ADAD1: variants seen among roughly 807,000 people sequenced by gnomAD.
The protein encoded by ADAD1 is adenosine deaminase domain-containing protein 1.
A neutral mutation model predicts 66.8 loss-of-function variants in ADAD1; 46 were observed. The ratio of observed to expected loss-of-function variants is 0.69; its 90% CI spans 0.54 to 0.88. The LOEUF is 0.88. Ranked by LOEUF, ADAD1 falls within the 40% of genes least tolerant of loss-of-function variation. The pLI, the probability that ADAD1 is intolerant of heterozygous loss-of-function variation, is 0.00. For missense variants in ADAD1, 617 were observed against 681.8 expected, an observed-to-expected ratio of 0.91 and a Z score of 1.06; for synonymous variants, 248 against 229.4, an observed-to-expected ratio of 1.08 and a Z score of -0.73.
At chr4:122,407,125 A>G (rs1796249529) in intron 7 of ADAD1, among the ~76,000 whole-genome samples, 2 of 152,218 alleles carry the variant, frequency 1.3e-5, no homozygotes, top group South Asian at 4.1e-4. Flanking sequence ...CACCAGCCTA[A>G]TAGTAAAAAT....
intron 11 of ADAD1, among the ~76,000 whole-genome samples, chr4:122,419,808 G>A (rs1796922342): frequency 6.6e-6 from 1 of 152,124 alleles, no homozygotes; most frequent in African/African-American, 2.4e-5. Context: ...TAAATTCTAA[G>A]AAGGTGTATA....
At chr4:122,429,602 A>G in intron 12 of ADAD1, 24 bp from the exon 13 acceptor site, 1 of 1,489,044 alleles carries the variant, frequency 6.7e-7, no homozygotes, top group Non-Finnish European at 9.4e-7. Context: ...ATTTTCTATA[A>G]TTCATTTTTT....
In ADAD1 at chr4:122,381,078, A is replaced by G. The variant is rs1289716320; in HGVS notation, c.259A>G (p.Ile87Val). The change falls in exon 4 of 13, where the codon ATA becomes GTA. Residue 87 changes from isoleucine to valine, a missense_variant. Ile to Val is a conservative substitution (Grantham distance 29). Transcript: ENST00000296513. The stretch of plus-strand genomic sequence containing the variant: ...TCCAAAAAAAATACCTAAGGAATTT[A>G]TAATGAAATACAAACGTGGAGAGAT... ...LPPKKIPKEFIMKYKRGEINP... is the reference protein window; with the variant it reads ...LPPKKIPKEFVMKYKRGEINP... 2 of 1,605,006 alleles carry G rather than the reference A, an allele frequency of 1.2e-6. No individual in the cohort carries two copies. The highest frequency in any genetic ancestry group is 2.3e-5 in the South Asian group (2 of 88,320).
intron 5 of ADAD1, among the ~76,000 whole-genome samples, chr4:122,386,635 C>T (rs562852210): frequency 6.6e-6 from 1 of 152,200 alleles, no homozygotes; most frequent in East Asian, 1.9e-4. Context: ...AATGGTATTG[C>T]CTAGGTTTTC....
At position 122,412,747 on chromosome 4, in the gene ADAD1, G is replaced by A; in HGVS notation, c.1187G>A (p.Gly396Asp). Residue 396 changes from glycine to aspartate, a missense_variant, in exon 10 of 13, where the codon GGT becomes GAT. Coordinates refer to ENST00000296513, the MANE Select transcript of ADAD1 (RefSeq NM_139243.4). ...AAATTGACCAGATGGGAAGTGCTTGGTGTACAGGGAGCATTGCTGAGTCAT... is the reference window on the plus strand; with the variant it reads ...AAATTGACCAGATGGGAAGTGCTTGATGTACAGGGAGCATTGCTGAGTCAT... ...SDKLTRWEVL[G>D]VQGALLSHFI... 3.1e-6 allele frequency: 5 copies of A among 1,613,922 alleles called. No individual in the cohort carries two copies. Among genetic ancestry groups the A allele is most frequent in the Non-Finnish European group, 4.2e-6 (5 of 1,179,824 alleles).
intron 7 of ADAD1, among the ~76,000 whole-genome samples, chr4:122,406,081 T>G (rs1329991746): frequency 6.6e-6 from 1 of 152,230 alleles, no homozygotes; most frequent in Non-Finnish European, 1.5e-5. Context: ...TCACTTCCTT[T>G]GGATATATAC....
At chr4:122,393,450 G>A (rs1314077236) in intron 5 of ADAD1, 139 bp from the exon 6 acceptor site, 1 of 535,320 alleles carries the variant, frequency 1.9e-6, no homozygotes, top group African/African-American at 2.0e-5. Flanking sequence ...CTGAGCTAAT[G>A]AGTATTTGAT....
chr4:122,396,269 T>A lies in ADAD1; in HGVS notation c.616T>A (p.Tyr206Asn). ...TTTTCTAGAAGGGAGACATATTCAA[T>A]ATGCAAAGATTTCACAGATCGTTAA... ...KVHYEGRHIQYAKISQIVKER... is the reference protein window; with the variant it reads ...KVHYEGRHIQNAKISQIVKER... Residue 206 changes from tyrosine (Y) to asparagine (N), a missense_variant, in exon 7 of 13, where the codon TAT (tyrosine) becomes AAT (asparagine). By Grantham distance (143) the Tyr-to-Asn change is moderately radical. Transcript: ENST00000296513. 1 of 1,589,470 alleles carries A rather than the reference T, an allele frequency of 6.3e-7. No individual in the cohort carries two copies. The highest frequency in any genetic ancestry group is 8.5e-7 in the Non-Finnish European group (1 of 1,170,776).
rs562853939 is a variant in ADAD1, at chr4:122,393,508, T to C, written c.530-81T>C. The C allele has an allele frequency of 1.7e-4, 229 of 1,361,208 alleles. 2 individuals are homozygous for C. Among genetic ancestry groups the C allele is most frequent in the Middle Eastern group, 5.7e-4 (3 of 5,298 alleles). The allele number at this position is 1,361,208 out of a possible 1,614,324, so 84.3% of individuals were successfully genotyped here. ...GGAAAAAAAAATTTTTGGATTGCTG[T>C]TTTATTACAGAATAAAAGAAATACC... On this transcript the variant is annotated intron_variant, in intron 5 of 12. Coordinates refer to ENST00000296513, the MANE Select transcript of ADAD1 (RefSeq NM_139243.4).
chr4:122,381,737 C>T (rs1235282900), intron 4 of ADAD1, among the ~76,000 whole-genome samples: 1 of 152,194 alleles, frequency 6.6e-6, no homozygotes, highest in South Asian at 2.1e-4. Flanking sequence ...AGTTTCTGAT[C>T]TCTTCACATT....
intron 12 of ADAD1, among the ~76,000 whole-genome samples, chr4:122,425,086 A>G (rs897347938): frequency 2.0e-5 from 3 of 152,112 alleles, no homozygotes; most frequent in Non-Finnish European, 2.9e-5. Context: ...GTAAAGTAAA[A>G]TAGACAATTC....
intron 11 of ADAD1, among the ~76,000 whole-genome samples, chr4:122,417,448 A>T (rs1257567571): frequency 6.6e-6 from 1 of 152,198 alleles, no homozygotes; most frequent in East Asian, 1.9e-4. Context: ...TATAGACAGT[A>T]TAATTTATAC....
At chr4:122,396,406 T>C (rs1795719354) in intron 7 of ADAD1, 29 bp downstream of exon 7, 20 of 1,525,438 alleles carry the variant, frequency 1.3e-5, no homozygotes, top group Non-Finnish European at 1.8e-5. Context: ...GAAAAACTAA[T>C]ATTGTAATAA....
At chr4:122,382,062 T>C (rs926599597) in intron 4 of ADAD1, among the ~76,000 whole-genome samples, 4 of 152,220 alleles carry the variant, frequency 2.6e-5, no homozygotes, top group African/African-American at 9.6e-5. Context: ...AGAAATAGTA[T>C]CTTAACATAG....
At chr4:122,428,835 A>G (rs924477478) in intron 12 of ADAD1, among the ~76,000 whole-genome samples, 2 of 152,156 alleles carry the variant, frequency 1.3e-5, no homozygotes, top group African/African-American at 4.8e-5. Context: ...TGATATTTAC[A>G]TGCCTCTATG....
At position 122,415,650 on chromosome 4, in the gene ADAD1, A is replaced by T. The variant is rs770153277; in HGVS notation, c.1487+34A>T. Reference sequence around the variant, plus strand: ...TACTAATTTCTTTAAACCATATATTACTTAAGCAAAAGAAGACATTTTATT... The same window carrying T: ...TACTAATTTCTTTAAACCATATATTTCTTAAGCAAAAGAAGACATTTTATT... On this transcript the variant is annotated intron_variant, in intron 11 of 12. Transcript: ENST00000296513. The T allele has an allele frequency of 7.1e-6, 11 of 1,556,796 alleles. No homozygotes were observed. In the Admixed American group the frequency reaches 1.9e-4, roughly 27 times the overall value.
intron 11 of ADAD1, 34 bp from the exon 12 acceptor site, chr4:122,421,227 A>C (rs976658331): frequency 4.1e-6 from 6 of 1,478,274 alleles, no homozygotes; most frequent in Non-Finnish European, 4.5e-6. Flanking sequence ...TTACTGAAAA[A>C]GAAATTTAAA....
chr4:122,429,126 T>TA lies in ADAD1; in HGVS notation c.1618-488dup, dbSNP rs778440960. Among the ~76,000 whole-genome samples, 563 of 139,982 alleles carry TA rather than the reference T, an allele frequency of 4.0e-3. 2 individuals are homozygous for TA. The highest frequency in any genetic ancestry group is 7.8e-3 in the East Asian group (39 of 5,026). The allele number at this position is 139,982 out of a possible 152,430, so 91.8% of individuals were successfully genotyped here. A position where few individuals can be genotyped will look rare whatever the true frequency, so the allele number is the denominator to read the frequency against. On this transcript the variant is annotated intron_variant, in intron 12 of 12. Coordinates refer to ENST00000296513, the MANE Select transcript of ADAD1 (RefSeq NM_139243.4). ...TGATTAATCTTTTAATTTAAAATGTTAAAAAAAAAAAAGAACAAGAAGAAA... is the reference window on the plus strand; with the variant it reads ...TGATTAATCTTTTAATTTAAAATGTTAAAAAAAAAAAAAGAACAAGAAGAAA...
intron 5 of ADAD1, among the ~76,000 whole-genome samples, chr4:122,391,484 G>C (rs532193654): frequency 1.3e-5 from 2 of 152,208 alleles, no homozygotes; most frequent in Non-Finnish European, 2.9e-5. Flanking sequence ...CTGCTGGTCC[G>C]CAGAGACTAT....
Sources: gnomAD v4.1 joint callset for allele counts (sites outside exome capture counted in the v4.1 genomes callset) on GRCh38, gnomAD v4.1.1 for gene constraint, MANE v1.5 for transcripts, NCBI Gene and HGNC (gene_info 2026-07-23, HGNC 2026-07-21) for gene names.